The following DPP6 variants were observed in gnomAD, a reference collection of about 807,000 sequenced individuals.
DPP6 encodes the protein A-type potassium channel modulatory protein DPP6.
In DPP6, 69 loss-of-function variants were observed where a neutral mutation model predicts 122.6. That is an observed-to-expected ratio of 0.56 (90% CI 0.46 to 0.69). The LOEUF is 0.69. DPP6 is among the 30% of genes least tolerant of loss of function. DPP6 has a pLI of 0.00. For synonymous variants in DPP6, 418 were observed against 433.1 expected (o/e 0.97, Z 0.43); for missense variants, 928 against 1,116.9 (o/e 0.83, Z 2.41).
At chr7:154,338,911 G>A (rs1585987906) in intron 1 of DPP6, among the ~76,000 whole-genome samples, 1 of 152,130 alleles carries the variant, frequency 6.6e-6, no homozygotes, top group Non-Finnish European at 1.5e-5. Flanking sequence ...TCATCTGCGC[G>A]TTCATCCGTT....
intron 1 of DPP6, among the ~76,000 whole-genome samples, chr7:154,377,133 A>C (rs555550191): frequency 6.6e-6 from 1 of 152,322 alleles, no homozygotes; most frequent in Non-Finnish European, 1.5e-5. Context: ...TCTCTAAGGC[A>C]GGTATTCTTA....
chr7:154,082,804 C>A (rs1289186127), intron 1 of DPP6, among the ~76,000 whole-genome samples: 1 of 151,254 alleles, frequency 6.6e-6, no homozygotes, highest in Non-Finnish European at 1.5e-5. Flanking sequence ...AAGGACAGAG[C>A]CCTGTGAAGG....
chr7:154,519,882 G>C (rs753380205), intron 3 of DPP6, among the ~76,000 whole-genome samples: 1 of 152,146 alleles, frequency 6.6e-6, no homozygotes, highest in Non-Finnish European at 1.5e-5. Context: ...TCTGAGTGCC[G>C]CTGGGGGAGG....
At chr7:153,830,917 C>A in the DPP6 span, among the ~76,000 whole-genome samples, 1 of 152,164 alleles carries the variant, frequency 6.6e-6, no homozygotes, top group Non-Finnish European at 1.5e-5. Flanking sequence ...GCAAGCTGTT[C>A]TGCATTTATT....
chr7:154,568,062 G>A (rs1486018112), intron 5 of DPP6, among the ~76,000 whole-genome samples: 2 of 152,028 alleles, frequency 1.3e-5, no homozygotes, highest in African/African-American at 4.8e-5. Flanking sequence ...GAAACAATGG[G>A]GCATCTTTGT....
intron 1 of DPP6, among the ~76,000 whole-genome samples, chr7:154,016,637 A>G (rs1798432976): frequency 6.6e-6 from 1 of 152,174 alleles, no homozygotes; most frequent in South Asian, 2.1e-4. Context: ...GTGTGCAGAT[A>G]TATCTTCAAC....
the DPP6 span, among the ~76,000 whole-genome samples, chr7:153,836,399 T>C: frequency 6.6e-6 from 1 of 152,178 alleles, no homozygotes; most frequent in African/African-American, 2.4e-5. Context: ...TACTCTGATA[T>C]TTAGACTTTA....
chr7:154,461,180 T>G (rs145873002), intron 2 of DPP6, among the ~76,000 whole-genome samples: 2 of 152,354 alleles, frequency 1.3e-5, no homozygotes, highest in African/African-American at 4.8e-5. Flanking sequence ...TTCATGTTGT[T>G]GCAAATGACA....
Position 154,062,908 on chromosome 7 carries a change from C to T in DPP6, c.243+9845C>T, listed in dbSNP as rs879639276. ...CGTTGATCCTAAGATCCTTAGGACC[C>T]ACCTGGAGGACTGTGGGTGTTAGTT... On this transcript the variant is annotated intron_variant, in intron 1 of 25. Transcript: ENST00000377770. 5.2e-5 allele frequency among the ~76,000 whole-genome samples: 7 copies of T among 134,476 alleles called. 2 individuals carry two copies. The highest frequency in any genetic ancestry group is 3.1e-4 in the Admixed American group (4 of 13,042). The allele number at this position is 134,476 out of a possible 152,430, so 88.2% of individuals were successfully genotyped here. A position where few individuals can be genotyped will look rare whatever the true frequency, so the allele number is the denominator to read the frequency against.
At chr7:154,572,510 C>CTTTTTTTTTTTTTTTTTTTTTTTTT (rs77816407) in intron 5 of DPP6, among the ~76,000 whole-genome samples, 1 of 86,144 alleles carries the variant, frequency 1.2e-5, no homozygotes, top group Non-Finnish European at 2.2e-5. Context: ...TTTTTCTTTT[C>CTTTTTTTTTTTTTTTTTTTTTTTTT]TTTTTTTTTT....
At chr7:153,775,873 C>T in the DPP6 span, among the ~76,000 whole-genome samples, 1 of 152,106 alleles carries the variant, frequency 6.6e-6, no homozygotes, top group African/African-American at 2.4e-5. Context: ...AAAATATTTA[C>T]AGGATCTGTA....
chr7:153,896,312 G>A (rs1489684414), intron 1 of DPP6, among the ~76,000 whole-genome samples: 1 of 152,086 alleles, frequency 6.6e-6, no homozygotes, highest in African/African-American at 2.4e-5. Context: ...TCTAAAAAAT[G>A]GTACTTCTAG....
intron 1 of DPP6, among the ~76,000 whole-genome samples, chr7:154,381,603 A>G (rs1302638945): frequency 6.6e-6 from 1 of 152,208 alleles, no homozygotes; most frequent in Non-Finnish European, 1.5e-5. Flanking sequence ...AGTATTTCTT[A>G]ATGCGCTGCT....
At chr7:154,689,837 G>T (rs189204470) in intron 7 of DPP6, among the ~76,000 whole-genome samples, 111 of 152,312 alleles carry the variant, frequency 7.3e-4, no homozygotes, top group Admixed American at 2.4e-3. Flanking sequence ...AATGCTGACT[G>T]CTCCATGAAT....
chr7:154,809,422 C>G (rs1798903899), intron 16 of DPP6, among the ~76,000 whole-genome samples: 1 of 152,112 alleles, frequency 6.6e-6, no homozygotes, highest in African/African-American at 2.4e-5. Context: ...TCACAGTCAG[C>G]CTTGTAGTCA....
intron 1 of DPP6, among the ~76,000 whole-genome samples, chr7:154,108,627 G>GT (rs1180850568): frequency 6.6e-6 from 1 of 152,158 alleles, no homozygotes; most frequent in Non-Finnish European, 1.5e-5. Flanking sequence ...CTTTCAGTGC[G>GT]TAACAAACAC....
At chr7:154,494,597 A>G (rs575753503) in intron 3 of DPP6, among the ~76,000 whole-genome samples, 1 of 152,124 alleles carries the variant, frequency 6.6e-6, no homozygotes, top group Admixed American at 6.5e-5. Context: ...CCTAAATTTC[A>G]TGATAGCTTT....
chr7:154,653,184 A>G (rs553754933), intron 6 of DPP6, among the ~76,000 whole-genome samples: 3 of 152,348 alleles, frequency 2.0e-5, no homozygotes, highest in South Asian at 4.1e-4. Context: ...GATGTAAGGT[A>G]AAAGCTTTAA....
chr7:154,785,468 G>A (rs1797282932), intron 10 of DPP6, among the ~76,000 whole-genome samples: 1 of 152,058 alleles, frequency 6.6e-6, no homozygotes. Flanking sequence ...TTTATATGTG[G>A]ATTTTATTCT....
Sources: allele counts gnomAD v4.1 joint callset (sites outside exome capture counted in the v4.1 genomes callset), GRCh38; gene constraint gnomAD v4.1.1; transcripts MANE v1.5; gene names NCBI Gene and HGNC (gene_info 2026-07-23, HGNC 2026-07-21).